The following DPY19L2 variants were observed in gnomAD, a reference collection of about 807,000 sequenced individuals.
The protein encoded by DPY19L2 is probable C-mannosyltransferase DPY19L2.
DPY19L2 carries 34 observed loss-of-function variants against 97.9 expected under a neutral mutation model. That is an observed-to-expected ratio of 0.35 (90% CI 0.26 to 0.46). The LOEUF (loss-of-function observed/expected upper bound fraction) is 0.46, where lower values mean the gene tolerates loss of function less well. Ranked by LOEUF, DPY19L2 falls within the 20% of genes least tolerant of loss-of-function variation. The pLI is 1.00. For missense variants in DPY19L2, 623 were observed against 911.4 expected (o/e 0.68, Z 4.07); for synonymous variants, 230 against 307.9 (o/e 0.75, Z 2.65).
At chr12:63,668,615 G>C (rs903018106), upstream of DPY19L2, 3 of 554,544 alleles carry the variant, frequency 5.4e-6, no homozygotes, top group Admixed American at 9.7e-5. Context: ...GTGCTCCCCA[G>C]CGCGAGCAGC....
Position 63,668,318 on chromosome 12 carries a change from A to G in DPY19L2, c.76T>C (p.Ser26Pro). 1 of 1,613,800 alleles carries G rather than the reference A, an allele frequency of 6.2e-7. No individual in the cohort carries two copies. Among genetic ancestry groups the G allele is most frequent in the Non-Finnish European group, 8.5e-7 (1 of 1,179,910 alleles). Residue 26 changes from serine to proline, a missense_variant, in exon 1 of 22, where the codon TCC (serine) becomes CCC (proline). This residue lies in a region of DPY19L2 where 144 missense variants were observed against 119.4 expected (regional missense o/e 1.21). Coordinates refer to ENST00000324472, the MANE Select transcript of DPY19L2 (RefSeq NM_173812.5). ...TCTACCTCCGGCTCCCGGGCGAGGG[A>G]GGCCCCGCGCCGCCCCTTAGACTGG... ...RSQSKGRRGA[S>P]LAREPEVEEE...
intron 7 of DPY19L2, 123 bp from the exon 8 acceptor site, chr12:63,624,254 T>G: frequency 7.2e-6 from 5 of 693,704 alleles, no homozygotes; most frequent in Non-Finnish European, 1.3e-5. Flanking sequence ...TCTGAGTGTC[T>G]GGCATAGCTT....
intron 21 of DPY19L2, among the ~76,000 whole-genome samples, chr12:63,563,509 A>G (rs1877042467): frequency 6.6e-6 from 1 of 152,188 alleles, no homozygotes; most frequent in Admixed American, 6.5e-5. Context: ...CGAGACTATG[A>G]TGCGCGATGA....
intron 6 of DPY19L2, among the ~76,000 whole-genome samples, chr12:63,630,409 T>A (rs933688591): frequency 6.6e-6 from 1 of 151,218 alleles, no homozygotes; most frequent in African/African-American, 2.4e-5. Context: ...AAGGCAGGGG[T>A]TGCAATCCTA....
chr12:63,616,604 A>G (rs1887870107), intron 11 of DPY19L2, among the ~76,000 whole-genome samples: 1 of 152,168 alleles, frequency 6.6e-6, no homozygotes, highest in Admixed American at 6.6e-5. Flanking sequence ...CTACAATGTA[A>G]TAGAACTGAT....
At chr12:63,569,426 A>T (rs1018489132) in intron 20 of DPY19L2, 77 bp from the exon 21 acceptor site, 2 of 1,133,790 alleles carry the variant, frequency 1.8e-6, no homozygotes, top group Non-Finnish European at 2.4e-6. Context: ...TTACTAGCAA[A>T]TTGAAATCTC....
intron 14 of DPY19L2, among the ~76,000 whole-genome samples, chr12:63,596,789 T>C (rs146523599): frequency 0.013 from 2,040 of 152,234 alleles, 24 homozygotes; most frequent in Non-Finnish European, 0.021. Flanking sequence ...GAGCTACAAA[T>C]AGAGGAAAGA....
chr12:63,634,697 C>T (rs1891349995), intron 6 of DPY19L2, among the ~76,000 whole-genome samples: 1 of 152,166 alleles, frequency 6.6e-6, no homozygotes, highest in Admixed American at 6.5e-5. Context: ...GCACAGCAGT[C>T]TGAGATCCAA....
At chr12:63,635,307 G>T (rs559280782) in intron 6 of DPY19L2, among the ~76,000 whole-genome samples, 19 of 152,142 alleles carry the variant, frequency 1.2e-4, no homozygotes, top group African/African-American at 2.9e-4. Flanking sequence ...AGACCAAAGG[G>T]AGATAAAACC....
At chr12:63,563,522 C>A (rs921374488) in intron 21 of DPY19L2, among the ~76,000 whole-genome samples, 1 of 152,096 alleles carries the variant, frequency 6.6e-6, no homozygotes, top group Admixed American at 6.5e-5. Flanking sequence ...CGCGATGATG[C>A]GGTCTTTCTT....
intron 3 of DPY19L2, among the ~76,000 whole-genome samples, chr12:63,663,171 ATC>A (rs544617122): frequency 1.9e-3 from 290 of 152,298 alleles, no homozygotes; most frequent in African/African-American, 6.2e-3. Flanking sequence ...CTGTGAGCAG[ATC>A]TGGAAGATGG....
chr12:63,637,632 A>C (rs1431579015), intron 6 of DPY19L2, among the ~76,000 whole-genome samples: 1 of 152,140 alleles, frequency 6.6e-6, no homozygotes, highest in Non-Finnish European at 1.5e-5. Context: ...ATTCCTGGAA[A>C]TATACACCCT....
intron 5 of DPY19L2, among the ~76,000 whole-genome samples, chr12:63,645,022 G>A (rs939004693): frequency 5.9e-5 from 9 of 151,778 alleles, no homozygotes; most frequent in Non-Finnish European, 1.2e-4. Flanking sequence ...TATATGAAAT[G>A]ATCCAGTCAT....
chr12:63,585,819 ATTG>A (rs527286650), intron 16 of DPY19L2, among the ~76,000 whole-genome samples: 103 of 152,264 alleles, frequency 6.8e-4, no homozygotes, highest in Middle Eastern at 3.4e-3. Context: ...AACTCCAATT[ATTG>A]TTTTCACAGA....
chr12:63,599,419 A>G (rs1245916332), intron 13 of DPY19L2, among the ~76,000 whole-genome samples: 1 of 152,172 alleles, frequency 6.6e-6, no homozygotes, highest in African/African-American at 2.4e-5. Context: ...ACCACCATGC[A>G]AAACTAGCAA....
At chr12:63,666,694 G>C (rs1896381793) in intron 1 of DPY19L2, 1 of 176,160 alleles carries the variant, frequency 5.7e-6, no homozygotes, top group Admixed American at 6.3e-5. Context: ...AATTTCCAAA[G>C]TTTTGAAGAA....
intron 16 of DPY19L2, chr12:63,591,058 A>T: frequency 2.2e-6 from 1 of 455,904 alleles, no homozygotes; most frequent in Non-Finnish European, 4.4e-6. Context: ...TCCTTATGGG[A>T]ACAGTGTCCA....
chr12:63,572,127 C>T (rs1405728614), intron 19 of DPY19L2, among the ~76,000 whole-genome samples: 4 of 152,114 alleles, frequency 2.6e-5, no homozygotes, highest in Non-Finnish European at 4.4e-5. Flanking sequence ...TTGTGGTCCC[C>T]GATTCCAGGC....
At chr12:63,664,721 A>T (rs1207424891) in intron 2 of DPY19L2, among the ~76,000 whole-genome samples, 1 of 152,216 alleles carries the variant, frequency 6.6e-6, no homozygotes, top group African/African-American at 2.4e-5. Flanking sequence ...GTCAACAATT[A>T]TGCTATAGCT....
Sources: allele counts gnomAD v4.1 joint callset (sites outside exome capture counted in the v4.1 genomes callset), GRCh38; gene constraint gnomAD v4.1.1; regional missense constraint gnomAD v4.1.1; transcripts MANE v1.5; gene names NCBI Gene and HGNC (gene_info 2026-07-23, HGNC 2026-07-21).